The following CTNNA2 variants were observed in gnomAD, a reference collection of about 807,000 sequenced individuals.
The protein encoded by CTNNA2 is catenin alpha-2.
In CTNNA2, 42 loss-of-function variants were observed where a neutral mutation model predicts 101.0. That is an observed-to-expected ratio of 0.42 (90% CI 0.32 to 0.54). CTNNA2 has a LOEUF of 0.54. CTNNA2 is among the 20% of genes least tolerant of loss of function. CTNNA2 has a pLI of 0.14. For synonymous variants in CTNNA2, 450 were observed against 456.4 expected (o/e 0.99, Z 0.18); for missense variants, 871 against 1,223.1 (o/e 0.71, Z 4.29).
chr2:80,301,916 C>CA (rs528489978), intron 7 of CTNNA2: 6,260 of 140,868 alleles, frequency 0.044, 25 homozygotes, highest in Middle Eastern at 0.069. Context: ...TTTTAGTTTA[C>CA]AAAAAAAAAA....
intron 7 of CTNNA2, among the ~76,000 whole-genome samples, chr2:80,149,593 C>T (rs951140445): frequency 1.3e-5 from 2 of 152,168 alleles, no homozygotes; most frequent in Admixed American, 1.3e-4. Flanking sequence ...AGAAATACCC[C>T]TTAATATGCA....
At chr2:80,270,719 C>A (rs956393298) in intron 7 of CTNNA2, among the ~76,000 whole-genome samples, 2 of 152,078 alleles carry the variant, frequency 1.3e-5, no homozygotes, top group Non-Finnish European at 2.9e-5. Flanking sequence ...CAGTCATAGG[C>A]AGTTCAACAC....
chr2:79,894,041 CTTCTTCTTCTTCTTCTTCTTCT>C (rs1558619540), intron 6 of CTNNA2, among the ~76,000 whole-genome samples: 6,360 of 146,132 alleles, frequency 0.044, 218 homozygotes, highest in Non-Finnish European at 0.064. Flanking sequence ...TCTTCTTCTT[CTTCTTCTTCTTCTTCTTCTTCT>C]TCCTCCTCCT....
intron 2 of CTNNA2, among the ~76,000 whole-genome samples, chr2:79,680,974 G>A (rs1389468006): frequency 6.6e-6 from 1 of 152,120 alleles, no homozygotes; most frequent in Non-Finnish European, 1.5e-5. Flanking sequence ...AGAAGTTTTT[G>A]TTTTGTTTTG....
intron 7 of CTNNA2, among the ~76,000 whole-genome samples, chr2:79,969,766 A>G (rs1431475860): frequency 7.1e-6 from 1 of 141,838 alleles, no homozygotes; most frequent in East Asian, 2.5e-4. Flanking sequence ...ATTGAAATAA[A>G]GCATTTATCT....
chr2:80,355,880 G>C (rs1242724468), intron 7 of CTNNA2, among the ~76,000 whole-genome samples: 2 of 152,010 alleles, frequency 1.3e-5, no homozygotes, highest in Non-Finnish European at 2.9e-5. Flanking sequence ...CCCCAAAAAA[G>C]TATTCACCTT....
intron 3 of CTNNA2, among the ~76,000 whole-genome samples, chr2:79,829,405 AC>A (rs1678708126): frequency 1.4e-5 from 2 of 147,834 alleles, no homozygotes; most frequent in Non-Finnish European, 3.0e-5. Flanking sequence ...ACACACACAC[AC>A]ACACACACAG....
chr2:79,938,539 C>A (rs767813387), intron 7 of CTNNA2, among the ~76,000 whole-genome samples: 2 of 152,090 alleles, frequency 1.3e-5, no homozygotes, highest in Non-Finnish European at 1.5e-5. Context: ...AGAGAGTGAA[C>A]CGAATTGTAA....
At chr2:80,594,810 A>C (rs936805581) in intron 15 of CTNNA2, among the ~76,000 whole-genome samples, 1 of 150,838 alleles carries the variant, frequency 6.6e-6, no homozygotes, top group Non-Finnish European at 1.5e-5. Context: ...TTTGTGGAAA[A>C]TCATTTGACC....
chr2:79,991,465 G>A (rs1692176428), intron 7 of CTNNA2, among the ~76,000 whole-genome samples: 3 of 152,002 alleles, frequency 2.0e-5, no homozygotes, highest in Non-Finnish European at 4.4e-5. Flanking sequence ...ATCTCCCCTA[G>A]AGAAGAAAAT....
intron 3 of CTNNA2, among the ~76,000 whole-genome samples, chr2:79,857,480 A>C (rs1389115762): frequency 6.6e-6 from 1 of 152,204 alleles, no homozygotes; most frequent in Admixed American, 6.5e-5. Context: ...AATGTTTTCT[A>C]TATTGGCAAA....
chr2:79,280,535 C>T (rs1573020366), intron 2 of CTNNA2, among the ~76,000 whole-genome samples: 1 of 151,946 alleles, frequency 6.6e-6, no homozygotes, highest in African/African-American at 2.4e-5. Context: ...GATACTCAAC[C>T]TCTTTGGGCT....
intron 5 of CTNNA2, among the ~76,000 whole-genome samples, chr2:79,506,245 C>T (rs1671410945): frequency 6.6e-6 from 1 of 151,446 alleles, no homozygotes; most frequent in African/African-American, 2.4e-5. Context: ...AAACTTTGTT[C>T]GATGGAACAT....
intron 3 of CTNNA2, among the ~76,000 whole-genome samples, chr2:79,330,818 C>G (rs9309547): frequency 0.41 from 61,822 of 151,992 alleles, 12,817 homozygotes; most frequent in East Asian, 0.48. Flanking sequence ...GCCTCCCCAG[C>G]CATGTGGAAC....
intron 7 of CTNNA2, among the ~76,000 whole-genome samples, chr2:80,311,361 T>C (rs1027810635): frequency 2.0e-5 from 3 of 152,242 alleles, no homozygotes; most frequent in Non-Finnish European, 4.4e-5. Context: ...GAAACCCCCA[T>C]GATACCATAA....
chr2:79,385,524 A>G (rs181626786), intron 4 of CTNNA2, among the ~76,000 whole-genome samples: 4 of 151,814 alleles, frequency 2.6e-5, no homozygotes, highest in East Asian at 3.9e-4. Context: ...ATTTTATTTT[A>G]TTTTGTTTTA....
intron 7 of CTNNA2, among the ~76,000 whole-genome samples, chr2:80,061,639 T>C (rs988843100): frequency 6.6e-5 from 10 of 152,254 alleles, no homozygotes; most frequent in Admixed American, 2.0e-4. Context: ...GTCCATAAAG[T>C]TGAATACTTC....
chr2:80,306,404 C>CT (rs111911483), intron 7 of CTNNA2, among the ~76,000 whole-genome samples: 3,787 of 58,664 alleles, frequency 0.065, 43 homozygotes, highest in Middle Eastern at 0.12. Flanking sequence ...CTTTTCTTTT[C>CT]TTTCTTTCTT....
chr2:80,028,273 A>G (rs2104167933), intron 7 of CTNNA2: 1 of 152,196 alleles, frequency 6.6e-6, no homozygotes. Context: ...TTGTTTGATT[A>G]TCTCCATGGG....
Sources: allele counts gnomAD v4.1 joint callset (sites outside exome capture counted in the v4.1 genomes callset), GRCh38; gene constraint gnomAD v4.1.1; transcripts MANE v1.5; gene names NCBI Gene and HGNC (gene_info 2026-07-23, HGNC 2026-07-21).